IQCM: variants seen among roughly 807,000 people sequenced by gnomAD.
IQCM encodes IQ motif containing M, also known as IQ domain-containing protein M.
Under a neutral mutation model 57.6 loss-of-function variants are expected in IQCM, and 45 were observed. The ratio of observed to expected loss-of-function variants is 0.78; its 90% CI spans 0.62 to 1.00. IQCM has a LOEUF of 1.00. Among genes scored for constraint, IQCM ranks in the 50% least tolerant of loss-of-function variants. The probability of loss-of-function intolerance (pLI) is 0.00; values close to 1 mark genes in which losing one functional copy is unlikely to be tolerated. For synonymous variants in IQCM, 148 were observed against 158.9 expected (o/e 0.93, Z 0.51); for missense variants, 468 against 511.6 (o/e 0.91, Z 0.82).
intron 13 of IQCM, among the ~76,000 whole-genome samples, chr4:149,429,155 T>C (rs1273989172): frequency 3.3e-5 from 5 of 151,822 alleles, no homozygotes; most frequent in Non-Finnish European, 7.4e-5. Context: ...GGTTAAAAAT[T>C]TGCCAAAGTC....
intron 12 of IQCM, among the ~76,000 whole-genome samples, chr4:149,482,849 T>C (rs922082889): frequency 6.6e-5 from 10 of 151,564 alleles, no homozygotes; most frequent in Non-Finnish European, 8.9e-5. Flanking sequence ...GTAGAATTGG[T>C]ATTTTTTTTA....
intron 12 of IQCM, among the ~76,000 whole-genome samples, chr4:149,446,626 C>T (rs1234675477): frequency 6.6e-6 from 1 of 151,548 alleles, no homozygotes; most frequent in East Asian, 1.9e-4. Flanking sequence ...CTTACATTTA[C>T]TCATTTATTA....
At chr4:149,508,809 T>G (rs543814655) in intron 12 of IQCM, among the ~76,000 whole-genome samples, 1 of 152,222 alleles carries the variant, frequency 6.6e-6, no homozygotes, top group East Asian at 1.9e-4. Context: ...AATGATATGG[T>G]TTGGCTGTGT....
chr4:149,507,991 T>C (rs1579301000), intron 12 of IQCM, among the ~76,000 whole-genome samples: 1 of 152,014 alleles, frequency 6.6e-6, no homozygotes, highest in African/African-American at 2.4e-5. Flanking sequence ...AAGGCACAGC[T>C]TGAGCTGCTG....
chr4:149,513,590 GAGAC>G (rs1744639089), intron 12 of IQCM, among the ~76,000 whole-genome samples: 1 of 152,110 alleles, frequency 6.6e-6, no homozygotes, highest in Admixed American at 6.6e-5. Flanking sequence ...GTTAATGAAA[GAGAC>G]AGAAGTAAAA....
At chr4:149,648,619 C>T (rs951182621) in intron 7 of IQCM, among the ~76,000 whole-genome samples, 2 of 152,206 alleles carry the variant, frequency 1.3e-5, no homozygotes, top group Non-Finnish European at 2.9e-5. Context: ...AATCGCCACA[C>T]TGACTTCCAC....
intron 7 of IQCM, among the ~76,000 whole-genome samples, chr4:149,649,900 C>A (rs540142383): frequency 1.3e-5 from 2 of 152,252 alleles, no homozygotes; most frequent in Non-Finnish European, 1.5e-5. Context: ...AGGAAATCCA[C>A]GTCTCAATGG....
intron 12 of IQCM, among the ~76,000 whole-genome samples, chr4:149,497,744 C>A (rs1299154449): frequency 1.4e-5 from 2 of 141,772 alleles, no homozygotes; most frequent in African/African-American, 5.2e-5. Flanking sequence ...TTGTATTTCA[C>A]TTTAAAAAAA....
chr4:149,706,065 A>G (rs1349115631), intron 5 of IQCM, among the ~76,000 whole-genome samples: 1 of 151,950 alleles, frequency 6.6e-6, no homozygotes, highest in Non-Finnish European at 1.5e-5. Flanking sequence ...TCATTGCAAA[A>G]TAGGATATTC....
At chr4:149,592,438 C>T (rs1200752449) in intron 8 of IQCM, among the ~76,000 whole-genome samples, 1 of 152,064 alleles carries the variant, frequency 6.6e-6, no homozygotes, top group Non-Finnish European at 1.5e-5. Flanking sequence ...GTTTCTTCTG[C>T]TGTGCAGAAG....
At chr4:149,646,761 A>T (rs1396799845) in intron 7 of IQCM, among the ~76,000 whole-genome samples, 1 of 152,212 alleles carries the variant, frequency 6.6e-6, no homozygotes, top group Non-Finnish European at 1.5e-5. Flanking sequence ...AGGCAGGCAG[A>T]TCACCTGAGG....
intron 5 of IQCM, among the ~76,000 whole-genome samples, chr4:149,704,074 T>A (rs1443379106): frequency 5.3e-5 from 8 of 151,806 alleles, no homozygotes; most frequent in African/African-American, 9.7e-5. Context: ...CTAAAAAAAA[T>A]TTTCACCAGC....
At chr4:149,648,620 T>C (rs192004773) in intron 7 of IQCM, among the ~76,000 whole-genome samples, 201 of 152,314 alleles carry the variant, frequency 1.3e-3, no homozygotes, top group African/African-American at 4.5e-3. Flanking sequence ...ATCGCCACAC[T>C]GACTTCCACA....
chr4:149,757,196 C>T (rs1034058464), intron 2 of IQCM, among the ~76,000 whole-genome samples: 2 of 151,182 alleles, frequency 1.3e-5, no homozygotes, highest in African/African-American at 4.9e-5. Context: ...AGGCAGAGCT[C>T]GCAGTGAGCC....
At chr4:149,651,580 A>C (rs1004748074) in intron 7 of IQCM, among the ~76,000 whole-genome samples, 2 of 152,222 alleles carry the variant, frequency 1.3e-5, no homozygotes, top group Admixed American at 6.5e-5. Flanking sequence ...AAAAGTGAAA[A>C]AAAAATTTTA....
At chr4:149,780,940 T>C (rs889333424) in intron 2 of IQCM, among the ~76,000 whole-genome samples, 6 of 152,120 alleles carry the variant, frequency 3.9e-5, no homozygotes, top group South Asian at 2.1e-4. Context: ...TTAGACATGT[T>C]GAGTTTAAGG....
rs940323507 is a variant in IQCM, at chr4:149,645,574, A to G, written c.566-24330T>C. On this transcript the variant is annotated intron_variant, in intron 7 of 13. Coordinates refer to ENST00000636793, the MANE Select transcript of IQCM (RefSeq NM_001363507.2). ...ATCAGTACTACCCAAGAGTAAGGTG[A>G]TGTGAGACAGCTGTCCAATTTCACC... Among the ~76,000 whole-genome samples, 4 of 152,314 alleles carry G rather than the reference A, an allele frequency of 2.6e-5. No individual in the cohort carries two copies. The South Asian group carries it at 6.2e-4, about 24-fold the overall frequency.
chr4:149,558,437 G>A (rs571946456), intron 10 of IQCM, among the ~76,000 whole-genome samples: 7 of 152,188 alleles, frequency 4.6e-5, no homozygotes, highest in Admixed American at 4.6e-4. Flanking sequence ...CCTAGTATGG[G>A]CCAAGAATGT....
intron 12 of IQCM, among the ~76,000 whole-genome samples, chr4:149,458,968 T>C (rs1737989572): frequency 6.6e-6 from 1 of 152,132 alleles, no homozygotes; most frequent in Non-Finnish European, 1.5e-5. Flanking sequence ...TAAAGCTAGA[T>C]AGAGGGTTTC....
Sources: allele counts gnomAD v4.1 joint callset (sites outside exome capture counted in the v4.1 genomes callset), GRCh38; gene constraint gnomAD v4.1.1; transcripts MANE v1.5; gene names NCBI Gene and HGNC (gene_info 2026-07-23, HGNC 2026-07-21).